STON2: variants seen among roughly 807,000 people sequenced by gnomAD.
The protein encoded by STON2 is stonin 2.
Under a neutral mutation model 65.7 loss-of-function variants are expected in STON2, and 29 were observed. The ratio of observed to expected loss-of-function variants is 0.44; its 90% CI spans 0.33 to 0.60. STON2 has a LOEUF of 0.60. Ranked by LOEUF, STON2 falls within the 20% of genes least tolerant of loss-of-function variation. The pLI, the probability that STON2 is intolerant of heterozygous loss-of-function variation, is 0.03. For missense variants in STON2, 1,054 were observed against 1,118.1 expected (o/e 0.94, Z 0.82); for synonymous variants, 404 against 414.2 (o/e 0.98, Z 0.30).
intron 4 of STON2, among the ~76,000 whole-genome samples, chr14:81,370,271 A>G (rs536170488): frequency 6.6e-6 from 1 of 152,322 alleles, no homozygotes; most frequent in African/African-American, 2.4e-5. Context: ...CTTTCAGAAG[A>G]AACCAATCTC....
At chr14:81,360,709 T>C (rs1160971762) in intron 4 of STON2, among the ~76,000 whole-genome samples, 1 of 152,096 alleles carries the variant, frequency 6.6e-6, no homozygotes, top group Non-Finnish European at 1.5e-5. Context: ...AGGCATCCAA[T>C]TAGAAAAGGA....
intron 3 of STON2, among the ~76,000 whole-genome samples, chr14:81,384,651 T>TCAAGTCCAC (rs1899705714): frequency 6.6e-6 from 1 of 152,200 alleles, no homozygotes; most frequent in Admixed American, 6.5e-5. Flanking sequence ...CCACAGTGTT[T>TCAAGTCCAC]GAACATGACT....
chr14:81,341,549 T>C (rs1897616663), intron 4 of STON2, among the ~76,000 whole-genome samples: 1 of 145,082 alleles, frequency 6.9e-6, no homozygotes, highest in Admixed American at 7.1e-5. Flanking sequence ...CTAACCTAAA[T>C]CATCACTGCT....
At chr14:81,319,263 T>A (rs192429986) in intron 5 of STON2, among the ~76,000 whole-genome samples, 1 of 152,232 alleles carries the variant, frequency 6.6e-6, no homozygotes, top group Non-Finnish European at 1.5e-5. Flanking sequence ...AATTTAATGG[T>A]TAAAATACTG....
chr14:81,396,819 G>T (rs1900348585), intron 2 of STON2, among the ~76,000 whole-genome samples: 1 of 152,176 alleles, frequency 6.6e-6, no homozygotes, highest in Non-Finnish European at 1.5e-5. Flanking sequence ...AACACTTTGG[G>T]AGGCCGAGGT....
rs1302526290 is a variant in STON2, at chr14:81,264,461, G to A, written c.*3953C>T. ...ATTTTCCTTTATTTCATGAGTATAC[G>A]TTTGCCCTCCTGGCAAGCATTTAAG... On this transcript the variant is annotated 3_prime_UTR_variant, in exon 8 of 8. Transcript: ENST00000614646. The A allele has an allele frequency of 4.5e-5, 44 of 985,162 alleles. No homozygotes were observed. Among genetic ancestry groups the A allele is most frequent in the Non-Finnish European group, 5.1e-5 (42 of 829,916 alleles). 61.0% of individuals were successfully genotyped at this position (985,162 alleles called of 1,614,324 possible). A position where few individuals can be genotyped will look rare whatever the true frequency, so the allele number is the denominator to read the frequency against.
At chr14:81,268,616 G>C (rs1894450486) in intron 7 of STON2, 119 bp from the exon 8 acceptor site, 1 of 1,247,004 alleles carries the variant, frequency 8.0e-7, no homozygotes, top group Non-Finnish European at 1.0e-6. Context: ...CTAACATTTT[G>C]GGCGTTAGCC....
At chr14:81,339,338 A>G (rs1467189204) in intron 4 of STON2, among the ~76,000 whole-genome samples, 1 of 152,152 alleles carries the variant, frequency 6.6e-6, no homozygotes, top group Admixed American at 6.5e-5. Context: ...TAGGCAGGGG[A>G]AATCACAGAA....
At chr14:81,401,730 C>T (rs1424902109), upstream of STON2, among the ~76,000 whole-genome samples, 1 of 152,132 alleles carries the variant, frequency 6.6e-6, no homozygotes, top group Non-Finnish European at 1.5e-5. Context: ...TTGGAGTTGC[C>T]ATTTCAGAGA....
chr14:81,326,810 T>C (rs1422049799), intron 4 of STON2, among the ~76,000 whole-genome samples: 1 of 152,222 alleles, frequency 6.6e-6, no homozygotes. Context: ...TTCCATGGGT[T>C]TTATCCCTGC....
At position 81,263,275 on chromosome 14, in the gene STON2, A is replaced by G. The variant is rs1363957074; in HGVS notation, c.*5139T>C. 2 of 513,530 alleles carry G rather than the reference A, an allele frequency of 3.9e-6. No homozygotes were observed. Among genetic ancestry groups the G allele is most frequent in the African/African-American group, 4.2e-5 (2 of 47,828 alleles). The allele number at this position is 513,530 out of a possible 1,614,324, so 31.8% of individuals were successfully genotyped here. A position where few individuals can be genotyped will look rare whatever the true frequency, so the allele number is the denominator to read the frequency against. Reference sequence around the variant, plus strand: ...CTATTTTGGCCAGGCGCGGCGGCTCATGCCTGTTATCCTAGCACTCTGGGA... The same window carrying G: ...CTATTTTGGCCAGGCGCGGCGGCTCGTGCCTGTTATCCTAGCACTCTGGGA... On this transcript the variant is annotated 3_prime_UTR_variant, in exon 8 of 8. Transcript: ENST00000614646.
chr14:81,434,083 G>A (rs902693757), intron 1 of STON2, among the ~76,000 whole-genome samples: 2 of 152,132 alleles, frequency 1.3e-5, no homozygotes, highest in Non-Finnish European at 2.9e-5. Context: ...ATCTTCTCTG[G>A]ATGCTACAGA....
In STON2 at chr14:81,262,660, T is replaced by C. The variant is rs1479732939; in HGVS notation, c.*5754A>G. The C allele has an allele frequency of 4.1e-6, 4 of 985,362 alleles. No individual in the cohort carries two copies. Among genetic ancestry groups the C allele is most frequent in the Non-Finnish European group, 4.8e-6 (4 of 829,944 alleles). 61.0% of individuals were successfully genotyped at this position (985,362 alleles called of 1,614,324 possible). The stretch of plus-strand genomic sequence containing the variant: ...TACCAAACTCATTACTGTGGATAGT[T>C]TCTGCCTTTACAGGCTTAGAATTGA... On this transcript the variant is annotated 3_prime_UTR_variant, in exon 8 of 8. Coordinates refer to ENST00000614646, the MANE Select transcript of STON2 (RefSeq NM_001394390.1).
At position 81,261,851 on chromosome 14, in the gene STON2, C is replaced by T; in HGVS notation, c.*6563G>A. On this transcript the variant is annotated 3_prime_UTR_variant, in exon 8 of 8. Coordinates refer to ENST00000614646, the MANE Select transcript of STON2 (RefSeq NM_001394390.1). ...AAGCATTCCACCTGATCTTCACCAC[C>T]CTCTTTGATCCTCTTTTTAAATCTG... 2 of 1,534,448 alleles carry T rather than the reference C, an allele frequency of 1.3e-6. No homozygotes were observed. The highest frequency in any genetic ancestry group is 1.2e-5 in the South Asian group (1 of 83,942).
rs1555397665 is a variant in STON2, at chr14:81,306,220, C to CTATTTTTTTTTTTTTTTTTTTTT, written c.742+17796_742+17797insAAAAAAAAAAAAAAAAAAAAATA. 4.3e-5 allele frequency among the ~76,000 whole-genome samples: 3 copies of CTATTTTTTTTTTTTTTTTTTTTT among 69,490 alleles called. 1 individual carries two copies. Among genetic ancestry groups the CTATTTTTTTTTTTTTTTTTTTTT allele is most frequent in the Non-Finnish European group, 7.7e-5 (3 of 39,088 alleles). 45.6% of individuals were successfully genotyped at this position (69,490 alleles called of 152,430 possible). On this transcript the variant is annotated intron_variant, in intron 5 of 7. Coordinates refer to ENST00000614646, the MANE Select transcript of STON2 (RefSeq NM_001394390.1). ...TTATATATACACACACATACATACT[C>CTATTTTTTTTTTTTTTTTTTTTT]TTTTTTTTTTTTTTTTTTTTTTTTT...
At chr14:81,308,332 T>G (rs887067701) in intron 5 of STON2, among the ~76,000 whole-genome samples, 8 of 152,126 alleles carry the variant, frequency 5.3e-5, no homozygotes, top group African/African-American at 1.9e-4. Flanking sequence ...GCCTCCCAAG[T>G]AGCTGGGATT....
chr14:81,387,952 T>TTC (rs1485131308), intron 3 of STON2, among the ~76,000 whole-genome samples: 5 of 135,590 alleles, frequency 3.7e-5, no homozygotes, highest in African/African-American at 1.4e-4. Context: ...TTCTTTTCTT[T>TTC]TTTTTTTTTT....
chr14:81,262,782 C>T lies in STON2; in HGVS notation c.*5632G>A, dbSNP rs771889492. 1.0e-5 allele frequency: 10 copies of T among 985,392 alleles called. No homozygotes were observed. Among genetic ancestry groups the T allele is most frequent in the Non-Finnish European group, 1.2e-5 (10 of 829,908 alleles). 61.0% of individuals were successfully genotyped at this position (985,392 alleles called of 1,614,324 possible). A position where few individuals can be genotyped will look rare whatever the true frequency, so the allele number is the denominator to read the frequency against. ...CACTAGAAGAAATGTAAAAATCTCACATTCTTGTTCTAGTTAATACATGGG... is the reference window on the plus strand; with the variant it reads ...CACTAGAAGAAATGTAAAAATCTCATATTCTTGTTCTAGTTAATACATGGG... On this transcript the variant is annotated 3_prime_UTR_variant, in exon 8 of 8. Coordinates refer to ENST00000614646, the MANE Select transcript of STON2 (RefSeq NM_001394390.1).
chr14:81,431,423 C>A (rs1016147883), intron 1 of STON2, among the ~76,000 whole-genome samples: 1 of 152,068 alleles, frequency 6.6e-6, no homozygotes, highest in East Asian at 1.9e-4. Flanking sequence ...GGATCACTTG[C>A]GGTCAGGAGT....
Sources: allele counts gnomAD v4.1 joint callset (sites outside exome capture counted in the v4.1 genomes callset), GRCh38; gene constraint gnomAD v4.1.1; transcripts MANE v1.5; gene names NCBI Gene and HGNC (gene_info 2026-07-23, HGNC 2026-07-21).